The following SPO11 variants were observed in gnomAD, a reference collection of about 807,000 sequenced individuals.
SPO11 encodes the protein SPO11 initiator of meiotic double strand breaks, also known as meiotic recombination protein SPO11.
Under a neutral mutation model 51.6 loss-of-function variants are expected in SPO11, and 49 were observed. The ratio of observed to expected loss-of-function variants is 0.95; its 90% CI spans 0.75 to 1.20. The LOEUF (loss-of-function observed/expected upper bound fraction) is 1.20. SPO11 is among the 50% of genes most tolerant of loss of function. The pLI is 0.00. For missense variants in SPO11, 431 were observed against 473.4 expected (o/e 0.91, Z 0.83); for synonymous variants, 176 against 158.2 (o/e 1.11, Z -0.84).
chr20:57,341,265 T>C (rs1470688469), intron 11 of SPO11, among the ~76,000 whole-genome samples: 2 of 152,208 alleles, frequency 1.3e-5, no homozygotes, highest in African/African-American at 4.8e-5. Context: ...TTTGATGCAG[T>C]CTCTTGTAAC....
At chr20:57,333,125 T>C in intron 2 of SPO11, 63 bp from the exon 3 acceptor site, 1 of 1,187,712 alleles carries the variant, frequency 8.4e-7, no homozygotes, top group East Asian at 2.4e-5. Context: ...CATAAGTATA[T>C]ATTGTTTGGT....
chr20:57,343,585 T>G lies in SPO11; in HGVS notation c.*125T>G. 1 of 1,116,324 alleles carries G rather than the reference T, an allele frequency of 9.0e-7. No individual in the cohort carries two copies. The highest frequency in any genetic ancestry group is 1.2e-6 in the Non-Finnish European group (1 of 819,958). 69.2% of individuals were successfully genotyped at this position (1,116,324 alleles called of 1,614,324 possible). On this transcript the variant is annotated 3_prime_UTR_variant, in exon 13 of 13. Coordinates refer to ENST00000371263, the MANE Select transcript of SPO11 (RefSeq NM_012444.3). ...TCTGTAAAAGTGAAATAAAATAACT[T>G]TCCGTTAATTATATATTTTTGTCAA...
rs760192298 is a variant in SPO11, at chr20:57,335,907, G to A, written c.744G>A (p.Thr248=). The A allele has an allele frequency of 6.4e-6, 10 of 1,569,836 alleles. No homozygotes were observed. Among genetic ancestry groups the A allele is most frequent in the African/African-American group, 4.1e-5 (3 of 73,562 alleles). ...CNKLSPCIMI[T]GKGVPDLNTR... Reference sequence around the variant, plus strand: ...AATTGTCTCCTTGCATCATGATTACGGTATATTATCTAACTTTACTACAAT... The same window carrying A: ...AATTGTCTCCTTGCATCATGATTACAGTATATTATCTAACTTTACTACAAT... Residue 248 remains threonine (T), a splice_region_variant and synonymous_variant, in exon 8 of 13, where the codon ACG becomes ACA. Coordinates refer to ENST00000371263, the MANE Select transcript of SPO11 (RefSeq NM_012444.3).
Position 57,329,925 on chromosome 20 carries a change from A to G in SPO11, c.58A>G (p.Arg20Gly), listed in dbSNP as rs766224343. Residue 20 changes from arginine (R) to glycine (G), a missense_variant, in exon 1 of 13, where the codon AGG becomes GGG. Physicochemically the swap from Arg to Gly is moderately radical, Grantham distance 125. This residue lies in a region of SPO11 where 405 missense variants were observed against 425.9 expected (regional missense o/e 0.95). Coordinates refer to ENST00000371263, the MANE Select transcript of SPO11 (RefSeq NM_012444.3). ...ASFFDVLDRH[R>G]ESLLAALRRG... The stretch of plus-strand genomic sequence containing the variant: ...GTTCTTCGACGTTTTGGACCGACAC[A>G]GGGAGTCCCTGCTGGCTGCCCTGAG... 1 of 1,613,812 alleles carries G rather than the reference A, an allele frequency of 6.2e-7. No homozygotes were observed. Among genetic ancestry groups the G allele is most frequent in the Non-Finnish European group, 8.5e-7 (1 of 1,179,912 alleles).
chr20:57,334,193 C>T (rs1407514341), intron 5 of SPO11, 98 bp downstream of exon 5: 16 of 430,674 alleles, frequency 3.7e-5, no homozygotes, highest in South Asian at 2.1e-4. Flanking sequence ...CTTGCTCTGT[C>T]GCCTAGGCTG....
chr20:57,337,773 T>G, intron 8 of SPO11: 2 of 1,308,072 alleles, frequency 1.5e-6, no homozygotes, highest in African/African-American at 3.0e-5. Flanking sequence ...AAATCCAAGG[T>G]AGGAAGATGT....
chr20:57,335,907 G>C lies in SPO11; in HGVS notation c.744G>C (p.Thr248=). The change falls in exon 8 of 13, where the codon ACG becomes ACC. Residue 248 remains threonine (T), a splice_region_variant and synonymous_variant. Transcript: ENST00000371263. ...CNKLSPCIMI[T]GKGVPDLNTR... ...AATTGTCTCCTTGCATCATGATTAC[G>C]GTATATTATCTAACTTTACTACAAT... 6.4e-7 allele frequency: 1 copy of C among 1,569,954 alleles called. No individual in the cohort carries two copies.
intron 3 of SPO11, 74 bp downstream of exon 3, chr20:57,333,350 C>A: frequency 9.4e-7 from 1 of 1,067,034 alleles, no homozygotes; most frequent in Non-Finnish European, 1.4e-6. Context: ...TTATTTGTTG[C>A]TAGTTAAATA....
At position 57,338,352 on chromosome 20, in the gene SPO11, C is replaced by T; in HGVS notation, c.821C>T (p.Thr274Ile). The T allele has an allele frequency of 6.2e-7, 1 of 1,612,736 alleles. No homozygotes were observed. The highest frequency in any genetic ancestry group is 1.1e-5 in the South Asian group (1 of 91,032). Residue 274 changes from threonine to isoleucine, a missense_variant, in exon 9 of 13, where the codon ACT (threonine) becomes ATT (isoleucine). Thr to Ile is a moderately conservative substitution (Grantham distance 89). Transcript: ENST00000371263. Reference sequence around the variant, plus strand: ...GATACATTTCATGTTCCTGTTTTCACTCTTGTAGATGCTGATCCACATGGT... The same window carrying T: ...GATACATTTCATGTTCCTGTTTTCATTCTTGTAGATGCTGATCCACATGGT... ...LWDTFHVPVF[T>I]LVDADPHGIE...
chr20:57,342,859 C>A lies in SPO11; in HGVS notation c.1071+19C>A. On this transcript the variant is annotated intron_variant, in intron 12 of 12. Coordinates refer to ENST00000371263, the MANE Select transcript of SPO11 (RefSeq NM_012444.3). ...AAAAGAAGTATGTTTCCTTTTACAA[C>A]TCAAGTGTTGCATGTTTAATTGTCT... 3.9e-6 allele frequency: 6 copies of A among 1,532,526 alleles called. No individual in the cohort carries two copies. The highest frequency in any genetic ancestry group is 5.4e-6 in the Non-Finnish European group (6 of 1,109,636). The allele number at this position is 1,532,526 out of a possible 1,614,324, so 94.9% of individuals were successfully genotyped here.
intron 8 of SPO11, among the ~76,000 whole-genome samples, chr20:57,336,133 A>G (rs936384879): frequency 6.6e-6 from 1 of 151,962 alleles, no homozygotes; most frequent in Non-Finnish European, 1.5e-5. Context: ...TCTGTTGCCC[A>G]GGCCGAAGTA....
chr20:57,337,742 A>G (rs1479105391), intron 8 of SPO11: 2 of 1,307,876 alleles, frequency 1.5e-6, no homozygotes, highest in East Asian at 4.9e-5. Context: ...TTCACAGTCA[A>G]CACCAGTCTT....
intron 11 of SPO11, among the ~76,000 whole-genome samples, chr20:57,341,283 CTA>C (rs1382434323): frequency 6.6e-6 from 1 of 152,178 alleles, no homozygotes; most frequent in Non-Finnish European, 1.5e-5. Context: ...AACTAAATCT[CTA>C]TGCACATCCT....
intron 8 of SPO11, chr20:57,337,698 C>A: frequency 7.9e-7 from 1 of 1,260,896 alleles, no homozygotes. Flanking sequence ...ATTCCCAGTC[C>A]TTCAGTCTGT....
Position 57,335,887 on chromosome 20 carries a change from T to A in SPO11, c.724T>A (p.Ser242Thr). Residue 242 changes from serine to threonine, a missense_variant, in exon 8 of 13, where the codon TCT (serine) becomes ACT (threonine). By Grantham distance (58) the Ser-to-Thr change is moderately conservative. Transcript: ENST00000371263. ...AGATGACAACTTTTGCAACAAATTG[T>A]CTCCTTGCATCATGATTACGGTATA... is the stretch of plus-strand genomic sequence containing the variant. ...LLDDNFCNKL[S>T]PCIMITGKGV... The A allele has an allele frequency of 6.2e-7, 1 of 1,606,836 alleles. No homozygotes were observed. The highest frequency in any genetic ancestry group is 8.5e-7 in the Non-Finnish European group (1 of 1,173,650).
At chr20:57,342,153 ATAGG>A (rs1326514594) in intron 11 of SPO11, among the ~76,000 whole-genome samples, 1 of 152,084 alleles carries the variant, frequency 6.6e-6, no homozygotes, top group African/African-American at 2.4e-5. Flanking sequence ...TTAAAACTAG[ATAGG>A]TAAGAATGTG....
chr20:57,335,979 A>C (rs1456382857), intron 8 of SPO11, 72 bp downstream of exon 8: 11 of 839,488 alleles, frequency 1.3e-5, no homozygotes, highest in Non-Finnish European at 2.0e-5. Flanking sequence ...GAGGATTTAC[A>C]ATATTATCTA....
rs1600673891 is a variant in SPO11 at position 57,330,150 on chromosome 20, C to G, written c.131+152C>G. Reference sequence around the variant, plus strand: ...CCCAAAAAGATCCTTCCTGAGTACCCGTGACCTGCTTTGAACCCTTATTTT... The same window carrying G: ...CCCAAAAAGATCCTTCCTGAGTACCGGTGACCTGCTTTGAACCCTTATTTT... On this transcript the variant is annotated intron_variant, in intron 1 of 12. Coordinates refer to ENST00000371263, the MANE Select transcript of SPO11 (RefSeq NM_012444.3). The G allele has an allele frequency of 4.3e-6, 5 of 1,162,132 alleles. No individual in the cohort carries two copies. The East Asian group carries it at 7.8e-5, about 18-fold the overall frequency. 72.0% of individuals were successfully genotyped at this position (1,162,132 alleles called of 1,614,324 possible).
chr20:57,339,027 G>T lies in SPO11; in HGVS notation c.882+1G>T, dbSNP rs1375747704. 6.8e-7 allele frequency: 1 copy of T among 1,468,504 alleles called. No individual in the cohort carries two copies. Among genetic ancestry groups the T allele is most frequent in the Non-Finnish European group, 9.2e-7 (1 of 1,081,326 alleles). 91.0% of individuals were successfully genotyped at this position (1,468,504 alleles called of 1,614,324 possible). A position where few individuals can be genotyped will look rare whatever the true frequency, so the allele number is the denominator to read the frequency against. ...GTGCATCTATAAGTATGGATCTATG[G>T]TAAGTATAGAAAAGCAGTTTTCCTT... On this transcript the variant is annotated splice_donor_variant, in intron 10 of 12. Coordinates refer to ENST00000371263, the MANE Select transcript of SPO11 (RefSeq NM_012444.3). LOFTEE classifies it high-confidence loss of function.
Sources: gnomAD v4.1 joint callset for allele counts (sites outside exome capture counted in the v4.1 genomes callset) on GRCh38, gnomAD v4.1.1 for gene constraint, gnomAD v4.1.1 regional missense constraint, MANE v1.5 for transcripts, NCBI Gene and HGNC (gene_info 2026-07-23, HGNC 2026-07-21) for gene names.